Variants in XKR9 observed in about 807,000 individuals in gnomAD.
XKR9 encodes the protein XK-related protein 9.
A neutral mutation model predicts 32.0 loss-of-function variants in XKR9; 32 were observed. The observed-to-expected ratio is 1.00, with a 90% confidence interval of 0.76 to 1.34. XKR9 has a LOEUF of 1.34. Ranked by LOEUF, XKR9 falls within the 40% of genes most tolerant of loss-of-function variation. The probability of loss-of-function intolerance (pLI) is 0.00; values close to 1 mark genes in which losing one functional copy is unlikely to be tolerated. For synonymous variants in XKR9, 168 were observed against 143.4 expected, an observed-to-expected ratio of 1.17 and a Z score of -1.22; for missense variants, 546 against 429.7, an observed-to-expected ratio of 1.27 and a Z score of -2.39.
the XKR9 span, among the ~76,000 whole-genome samples, chr8:71,028,719 C>A: frequency 6.6e-6 from 1 of 151,416 alleles, no homozygotes. Flanking sequence ...TACTTTGTAC[C>A]CTGTAAGTAT....
intron 3 of XKR9, among the ~76,000 whole-genome samples, chr8:70,689,652 T>C (rs12681588): frequency 0.33 from 50,067 of 151,670 alleles, 9,379 homozygotes; most frequent in Middle Eastern, 0.43. Flanking sequence ...TTTGATAGAG[T>C]TTGTAATATA....
chr8:70,815,842 C>T, the XKR9 span, among the ~76,000 whole-genome samples: 4 of 152,124 alleles, frequency 2.6e-5, no homozygotes, highest in African/African-American at 9.6e-5. Context: ...TTTTTTATGG[C>T]TTTTTATTCT....
the XKR9 span, among the ~76,000 whole-genome samples, chr8:70,933,882 G>T: frequency 1.3e-5 from 2 of 151,988 alleles, no homozygotes; most frequent in Non-Finnish European, 2.9e-5. Context: ...TGGAGCACTT[G>T]TTGAGCTGTT....
At position 70,746,527 on chromosome 8, in the gene XKR9, GTTTC is replaced by G. The variant is rs151170240; in HGVS notation, n.352+39382_352+39385del. 2.1e-3 allele frequency among the ~76,000 whole-genome samples: 310 copies of G among 150,490 alleles called. 2 individuals carry two copies. Among genetic ancestry groups the G allele is most frequent in the African/African-American group, 7.3e-3 (300 of 41,242 alleles). ...GATCACAGAGTATAGGGAATTTGCAGTTTCTTTCTTTTAGATATATTGCTTTGAT... is the reference window on the plus strand; with the variant it reads ...GATCACAGAGTATAGGGAATTTGCAGTTTCTTTTAGATATATTGCTTTGAT... On this transcript the variant is annotated intron_variant and non_coding_transcript_variant, in intron 2 of 3. Coordinates refer to the XKR9 transcript ENST00000520273.
At chr8:70,998,949 T>G in the XKR9 span, among the ~76,000 whole-genome samples, 1 of 152,064 alleles carries the variant, frequency 6.6e-6, no homozygotes, top group Non-Finnish European at 1.5e-5. Context: ...CCCTGTGTCC[T>G]TAGGTTCCAC....
At chr8:70,832,112 C>A in the XKR9 span, among the ~76,000 whole-genome samples, 1 of 152,152 alleles carries the variant, frequency 6.6e-6, no homozygotes, top group Non-Finnish European at 1.5e-5. Context: ...ATCTAGAAAG[C>A]AGGTATCTTG....
chr8:70,845,483 T>C, the XKR9 span, among the ~76,000 whole-genome samples: 2 of 152,080 alleles, frequency 1.3e-5, no homozygotes, highest in African/African-American at 4.8e-5. Context: ...ATTCAAGTAA[T>C]GTCTTAAGAA....
intron 3 of XKR9, among the ~76,000 whole-genome samples, chr8:70,688,187 G>A (rs1032587825): frequency 6.6e-6 from 1 of 152,186 alleles, no homozygotes; most frequent in Non-Finnish European, 1.5e-5. Flanking sequence ...GGAAGTGGTG[G>A]TCAAATCTTC....
At chr8:70,906,140 C>T in the XKR9 span, among the ~76,000 whole-genome samples, 1 of 152,186 alleles carries the variant, frequency 6.6e-6, no homozygotes, top group African/African-American at 2.4e-5. Flanking sequence ...GGGAGAAGCA[C>T]TACTCTCTTC....
At chr8:70,864,974 A>G in the XKR9 span, among the ~76,000 whole-genome samples, 6 of 152,310 alleles carry the variant, frequency 3.9e-5, 1 homozygote, top group Admixed American at 3.9e-4. Context: ...CCAGGCAAGG[A>G]AGCATAATAT....
chr8:70,811,209 G>A, the XKR9 span, among the ~76,000 whole-genome samples: 3 of 151,980 alleles, frequency 2.0e-5, no homozygotes, highest in African/African-American at 4.8e-5. Flanking sequence ...ATAACGAAAT[G>A]AAGGCAGACG....
chr8:70,941,863 A>G, the XKR9 span, among the ~76,000 whole-genome samples: 1 of 152,114 alleles, frequency 6.6e-6, no homozygotes, highest in Non-Finnish European at 1.5e-5. Context: ...TTGAGTATAC[A>G]TATTTGTTCC....
At chr8:70,874,727 C>G in the XKR9 span, among the ~76,000 whole-genome samples, 37 of 152,302 alleles carry the variant, frequency 2.4e-4, no homozygotes, top group Admixed American at 1.8e-3. Flanking sequence ...GATCCAGAGA[C>G]TCGTGTAATG....
intron 2 of XKR9, among the ~76,000 whole-genome samples, chr8:70,747,136 C>T (rs889388094): frequency 2.0e-5 from 3 of 152,156 alleles, no homozygotes; most frequent in Non-Finnish European, 2.9e-5. Context: ...ATATTTACCA[C>T]ATTTTCTTTA....
chr8:70,781,532 T>C (rs1807616529), intron 2 of XKR9, among the ~76,000 whole-genome samples: 1 of 148,578 alleles, frequency 6.7e-6, no homozygotes, highest in African/African-American at 2.5e-5. Flanking sequence ...TATTTTTCTA[T>C]GAGTGAGACC....
intron 2 of XKR9, among the ~76,000 whole-genome samples, chr8:70,779,993 C>T (rs1479238230): frequency 2.6e-5 from 4 of 151,896 alleles, no homozygotes; most frequent in Non-Finnish European, 2.9e-5. Context: ...TTGTCTTCTG[C>T]TAGCTTTTGA....
chr8:70,728,449 C>T (rs1300382683), intron 4 of XKR9, among the ~76,000 whole-genome samples: 3 of 151,988 alleles, frequency 2.0e-5, no homozygotes, highest in East Asian at 1.9e-4. Context: ...ATGTTAAAGG[C>T]GTTAGTATTG....
chr8:70,874,693 A>G, the XKR9 span, among the ~76,000 whole-genome samples: 7 of 152,208 alleles, frequency 4.6e-5, no homozygotes, highest in Non-Finnish European at 1.0e-4. Context: ...GTATCTGAAA[A>G]GCTTAAGGTT....
the XKR9 span, among the ~76,000 whole-genome samples, chr8:70,872,144 A>G: frequency 1.3e-5 from 2 of 152,246 alleles, no homozygotes; most frequent in Non-Finnish European, 2.9e-5. Flanking sequence ...GGAACTTTCC[A>G]TAATTTCTTG....
Sources: allele counts gnomAD v4.1 joint callset (sites outside exome capture counted in the v4.1 genomes callset), GRCh38; gene constraint gnomAD v4.1.1; transcripts MANE v1.5; gene names NCBI Gene and HGNC (gene_info 2026-07-23, HGNC 2026-07-21).